The following BACH2 variants were observed in gnomAD, a reference collection of about 807,000 sequenced individuals.
BACH2 encodes transcription regulator protein BACH2.
Under a neutral mutation model 61.8 loss-of-function variants are expected in BACH2, and 5 were observed. The observed-to-expected ratio is 0.08, with a 90% CI of 0.04 to 0.17. The LOEUF is 0.17. Ranked by LOEUF, BACH2 falls within the 10% of genes least tolerant of loss-of-function variation. BACH2 has a pLI of 1.00. For missense variants in BACH2, 824 were observed against 1,091.1 expected (o/e 0.76, Z 3.45); for synonymous variants, 446 against 440.1 (o/e 1.01, Z -0.17).
intron 4 of BACH2, among the ~76,000 whole-genome samples, chr6:90,117,425 C>T (rs1783447858): frequency 6.6e-6 from 1 of 151,614 alleles, no homozygotes; most frequent in African/African-American, 2.4e-5. Context: ...ACCTTTCTGA[C>T]TCTTCCTGTC....
At chr6:90,053,407 G>A (rs547506318) in intron 5 of BACH2, among the ~76,000 whole-genome samples, 2 of 152,184 alleles carry the variant, frequency 1.3e-5, no homozygotes, top group Admixed American at 6.5e-5. Flanking sequence ...AGCCTCCTGA[G>A]TAGCTAGGAC....
At chr6:90,291,114 T>C (rs772418546) in intron 1 of BACH2, among the ~76,000 whole-genome samples, 2 of 152,078 alleles carry the variant, frequency 1.3e-5, no homozygotes, top group Non-Finnish European at 1.5e-5. Flanking sequence ...GGGCAATTCA[T>C]TATGAGGCTA....
At chr6:90,005,256 C>A (rs1475009735) in intron 6 of BACH2, among the ~76,000 whole-genome samples, 1 of 152,072 alleles carries the variant, frequency 6.6e-6, no homozygotes, top group Non-Finnish European at 1.5e-5. Context: ...CTAGGAGGAA[C>A]TCTCAGGCCT....
At chr6:90,198,592 T>A (rs1255259122) in intron 4 of BACH2, among the ~76,000 whole-genome samples, 1 of 152,210 alleles carries the variant, frequency 6.6e-6, no homozygotes, top group Non-Finnish European at 1.5e-5. Context: ...TCTGACATTA[T>A]CAGATGTTAA....
intron 4 of BACH2, among the ~76,000 whole-genome samples, chr6:90,160,830 C>T (rs983750778): frequency 6.6e-6 from 1 of 152,104 alleles, no homozygotes; most frequent in Non-Finnish European, 1.5e-5. Context: ...GTGGCTCATG[C>T]CTGTAATCCC....
intron 5 of BACH2, among the ~76,000 whole-genome samples, chr6:90,068,764 G>T (rs754846159): frequency 3.3e-5 from 5 of 152,028 alleles, no homozygotes; most frequent in Admixed American, 1.3e-4. Flanking sequence ...AGAAAAACCA[G>T]AAGAAATTCA....
At chr6:90,186,676 C>T (rs567604778) in intron 4 of BACH2, among the ~76,000 whole-genome samples, 43 of 152,286 alleles carry the variant, frequency 2.8e-4, no homozygotes, top group Middle Eastern at 3.4e-3. Flanking sequence ...CCTCATGCCC[C>T]TCCCCTGCCC....
chr6:90,223,455 G>A (rs369405209), intron 3 of BACH2, among the ~76,000 whole-genome samples: 1 of 152,120 alleles, frequency 6.6e-6, no homozygotes, highest in South Asian at 2.1e-4. Flanking sequence ...GGGGCTTTCA[G>A]ATAGTAAGGC....
At chr6:90,009,472 G>T (rs540893651) in intron 5 of BACH2, among the ~76,000 whole-genome samples, 8 of 152,284 alleles carry the variant, frequency 5.3e-5, no homozygotes, top group Non-Finnish European at 1.2e-4. Flanking sequence ...AAGCACAATT[G>T]CCATAATGCA....
intron 1 of BACH2, among the ~76,000 whole-genome samples, chr6:90,275,295 C>T (rs1016242882): frequency 6.6e-6 from 1 of 152,096 alleles, no homozygotes; most frequent in African/African-American, 2.4e-5. Context: ...CACTGTAAAT[C>T]GTGAGAGAAC....
At chr6:90,085,698 G>A (rs549415498) in intron 5 of BACH2, among the ~76,000 whole-genome samples, 1 of 152,294 alleles carries the variant, frequency 6.6e-6, no homozygotes, top group South Asian at 2.1e-4. Flanking sequence ...TAACAGGAAT[G>A]AGGGAGGTGT....
At chr6:90,144,342 CAG>C (rs1295939590) in intron 4 of BACH2, among the ~76,000 whole-genome samples, 1 of 150,234 alleles carries the variant, frequency 6.7e-6, no homozygotes, top group African/African-American at 2.5e-5. Flanking sequence ...TTGGGAAGGA[CAG>C]AGGGAAGGAG....
intron 4 of BACH2, among the ~76,000 whole-genome samples, chr6:90,151,883 G>A (rs1310530606): frequency 1.3e-5 from 2 of 152,122 alleles, no homozygotes; most frequent in Non-Finnish European, 2.9e-5. Flanking sequence ...GCCAATCTTG[G>A]TGAATGAATT....
rs189058813 is a variant in BACH2 at position 90,186,549 on chromosome 6, G to T, written c.-162+20020C>A. Among the ~76,000 whole-genome samples the T allele has an allele frequency of 1.3e-4, 20 of 152,234 alleles. No individual in the cohort carries two copies. In the East Asian group the frequency reaches 3.9e-3, roughly 29 times the overall value. On this transcript the variant is annotated intron_variant, in intron 4 of 8. Coordinates refer to ENST00000257749, the MANE Select transcript of BACH2 (RefSeq NM_021813.4). ...TCTTATTAGAAATTTAAAACACGGT[G>T]TTATCAAATTTGGCCTAAGTCTGTT...
intron 8 of BACH2, among the ~76,000 whole-genome samples, chr6:89,936,916 G>T (rs1773061417): frequency 6.6e-6 from 1 of 152,084 alleles, no homozygotes; most frequent in South Asian, 2.1e-4. Flanking sequence ...CTCTTCTTCA[G>T]CCTGACACAG....
At chr6:90,250,050 C>T (rs957721045) in intron 3 of BACH2, among the ~76,000 whole-genome samples, 1 of 152,140 alleles carries the variant, frequency 6.6e-6, no homozygotes, top group African/African-American at 2.4e-5. Flanking sequence ...AAAGGTAATG[C>T]ACTCTCAGTG....
intron 5 of BACH2, among the ~76,000 whole-genome samples, chr6:90,038,811 G>A (rs912382905): frequency 6.6e-6 from 1 of 152,034 alleles, no homozygotes; most frequent in Non-Finnish European, 1.5e-5. Context: ...GGCTGAGGTG[G>A]GTGGATCATG....
intron 4 of BACH2, among the ~76,000 whole-genome samples, chr6:90,129,238 G>C (rs1783997223): frequency 6.6e-6 from 1 of 152,092 alleles, no homozygotes; most frequent in Non-Finnish European, 1.5e-5. Context: ...TCTATAAAGG[G>C]TTCTGGATAT....
chr6:90,092,795 G>C (rs926326773), intron 4 of BACH2, among the ~76,000 whole-genome samples: 2 of 152,164 alleles, frequency 1.3e-5, no homozygotes, highest in Non-Finnish European at 2.9e-5. Flanking sequence ...TCTGGGACTT[G>C]ATTTCTTCAG....
Sources: allele counts gnomAD v4.1 joint callset (sites outside exome capture counted in the v4.1 genomes callset), GRCh38; gene constraint gnomAD v4.1.1; transcripts MANE v1.5; gene names NCBI Gene and HGNC (gene_info 2026-07-23, HGNC 2026-07-21).